TLN2: variants seen among roughly 807,000 people sequenced by gnomAD.
TLN2 encodes talin-2.
Under a neutral mutation model 294.7 loss-of-function variants are expected in TLN2, and 118 were observed. The ratio of observed to expected loss-of-function variants is 0.40; its 90% CI spans 0.34 to 0.47. The LOEUF is 0.47. Ranked by LOEUF, TLN2 falls within the 20% of genes least tolerant of loss-of-function variation. The pLI is 0.84. For synonymous variants in TLN2, 1,431 were observed against 1,304.5 expected, an observed-to-expected ratio of 1.10 and a Z score of -2.09; for missense variants, 3,083 against 3,282.2, an observed-to-expected ratio of 0.94 and a Z score of 1.48.
At chr15:62,768,126 C>G (rs1425606865) in intron 41 of TLN2, among the ~76,000 whole-genome samples, 1 of 152,090 alleles carries the variant, frequency 6.6e-6, no homozygotes, top group Non-Finnish European at 1.5e-5. Flanking sequence ...CGTGTGGGGC[C>G]CCAGATCAGC....
chr15:62,803,664 T>C (rs2066081871), intron 50 of TLN2, among the ~76,000 whole-genome samples: 1 of 152,250 alleles, frequency 6.6e-6, no homozygotes, highest in South Asian at 2.1e-4. Context: ...TTTTAATTAT[T>C]TCAATTTCTT....
intron 32 of TLN2, 41 bp from the exon 33 acceptor site, chr15:62,748,310 T>C (rs528240026): frequency 2.1e-6 from 3 of 1,428,038 alleles, no homozygotes; most frequent in East Asian, 2.3e-5. Context: ...AAATTACTGT[T>C]GATCTTCAAA....
chr15:62,648,043 AG>A (rs2052106715), intron 4 of TLN2, among the ~76,000 whole-genome samples: 1 of 152,040 alleles, frequency 6.6e-6, no homozygotes, highest in African/African-American at 2.4e-5. Context: ...TCTTTTATTT[AG>A]TATTTGACAG....
intron 57 of TLN2, among the ~76,000 whole-genome samples, chr15:62,837,829 A>G (rs139141714): frequency 1.3e-5 from 2 of 152,336 alleles, no homozygotes; most frequent in African/African-American, 4.8e-5. Flanking sequence ...CATAGTTTGC[A>G]TTGGTCACTT....
At chr15:62,473,913 G>C (rs1400122331) in intron 1 of TLN2, among the ~76,000 whole-genome samples, 1 of 152,162 alleles carries the variant, frequency 6.6e-6, no homozygotes, top group Non-Finnish European at 1.5e-5. Context: ...GGCCAAAGTG[G>C]TGAAAGCCTG....
intron 1 of TLN2, among the ~76,000 whole-genome samples, chr15:62,540,352 T>TA (rs980498633): frequency 2.2e-4 from 26 of 119,590 alleles, no homozygotes; most frequent in Admixed American, 8.6e-4. Context: ...AATAAATAAA[T>TA]AAACTTTTTT....
At chr15:62,637,958 G>A (rs1039893763) in intron 3 of TLN2, 9 of 152,240 alleles carry the variant, frequency 5.9e-5, no homozygotes, top group Non-Finnish European at 1.3e-4. Flanking sequence ...CATTAGTATC[G>A]AGGATTCTTA....
At chr15:62,650,231 T>G (rs2052431410) in intron 5 of TLN2, 50 bp downstream of exon 5, 1 of 1,581,554 alleles carries the variant, frequency 6.3e-7, no homozygotes. Context: ...TCCCTGGGCC[T>G]TCTTCCATAG....
At chr15:62,700,406 T>G (rs1473208587) in intron 16 of TLN2, among the ~76,000 whole-genome samples, 1 of 152,196 alleles carries the variant, frequency 6.6e-6, no homozygotes, top group Admixed American at 6.5e-5. Flanking sequence ...TTGCTATTTA[T>G]AGGTTCAAAT....
chr15:62,689,252 T>C (rs997246514), intron 12 of TLN2, among the ~76,000 whole-genome samples: 5 of 152,154 alleles, frequency 3.3e-5, no homozygotes, highest in Non-Finnish European at 7.4e-5. Context: ...CCCTTAAGTG[T>C]AGAAACCTTA....
rs2070794685 is a variant in TLN2, at chr15:62,842,371, CTT to C, written c.*1763_*1764del. 1.3e-5 allele frequency: 2 copies of C among 152,232 alleles called. No individual in the cohort carries two copies. The highest frequency in any genetic ancestry group is 2.4e-5 in the African/African-American group (1 of 41,434). The allele number at this position is 152,232 out of a possible 1,614,324, so 9.4% of individuals were successfully genotyped here. ...AGCTGGCACACTCTTGGCTCGCCCT[CTT>C]TGAGTGGAGCTGATCCAACACCTCA... is the stretch of plus-strand genomic sequence containing the variant. On this transcript the variant is annotated 3_prime_UTR_variant, in exon 59 of 59. Transcript: ENST00000636159.
chr15:62,393,545 C>T (rs2032276340), intron 1 of TLN2, among the ~76,000 whole-genome samples: 1 of 152,072 alleles, frequency 6.6e-6, no homozygotes, highest in Non-Finnish European at 1.5e-5. Flanking sequence ...CCCAGAACAT[C>T]GTTAGTTCTC....
chr15:62,631,450 CTTTCTCTT>C (rs2049812305), intron 3 of TLN2, among the ~76,000 whole-genome samples: 1 of 149,752 alleles, frequency 6.7e-6, no homozygotes, highest in Admixed American at 6.6e-5. Context: ...TTCTTCCTTC[CTTTCTCTT>C]TCTTTCTCTC....
intron 11 of TLN2, among the ~76,000 whole-genome samples, chr15:62,680,137 C>G (rs934329601): frequency 6.6e-6 from 1 of 152,182 alleles, no homozygotes; most frequent in African/African-American, 2.4e-5. Flanking sequence ...TTTTCAAAAT[C>G]ATTTTAGCCA....
chr15:62,721,748 C>T (rs1376953849), intron 25 of TLN2, among the ~76,000 whole-genome samples: 1 of 152,080 alleles, frequency 6.6e-6, no homozygotes, highest in African/African-American at 2.4e-5. Flanking sequence ...AAAATGGAAA[C>T]ATGCCCAACA....
chr15:62,732,708 G>A (rs993366911), intron 28 of TLN2, among the ~76,000 whole-genome samples: 1 of 152,080 alleles, frequency 6.6e-6, no homozygotes, highest in Non-Finnish European at 1.5e-5. Context: ...CAGTGGAGAC[G>A]AAGTGGTCGA....
chr15:62,523,515 A>G (rs922134550), intron 1 of TLN2, among the ~76,000 whole-genome samples: 7 of 152,372 alleles, frequency 4.6e-5, no homozygotes, highest in Non-Finnish European at 1.0e-4. Context: ...TATGCTAACT[A>G]TGTTATATGT....
intron 3 of TLN2, chr15:62,637,198 A>AT (rs1422009977): frequency 3.3e-5 from 5 of 151,756 alleles, no homozygotes; most frequent in African/African-American, 4.8e-5. Flanking sequence ...CTTCACTTTT[A>AT]TTTTTCTTCT....
At chr15:62,473,922 T>C (rs185534929) in intron 1 of TLN2, among the ~76,000 whole-genome samples, 76 of 152,296 alleles carry the variant, frequency 5.0e-4, no homozygotes, top group African/African-American at 1.7e-3. Flanking sequence ...GGTGAAAGCC[T>C]GTTTTTACTA....
Sources: gnomAD v4.1 joint callset for allele counts (sites outside exome capture counted in the v4.1 genomes callset) on GRCh38, gnomAD v4.1.1 for gene constraint, MANE v1.5 for transcripts, NCBI Gene and HGNC (gene_info 2026-07-23, HGNC 2026-07-21) for gene names.